CLDN14: variants seen among roughly 807,000 people sequenced by gnomAD.
CLDN14 encodes the protein claudin-14.
CLDN14 carries 2 observed loss-of-function variants against 2.1 expected under a neutral mutation model. The observed-to-expected ratio is 0.96, with a 90% CI of 0.39 to 3.01. The LOEUF (loss-of-function observed/expected upper bound fraction) is 3.01. Among genes scored for constraint, CLDN14 ranks in the 30% most tolerant of loss-of-function variants. The probability of loss-of-function intolerance (pLI) is 0.09; values close to 1 mark genes in which losing one functional copy is unlikely to be tolerated. For synonymous variants in CLDN14, 136 were observed against 154.4 expected, an observed-to-expected ratio of 0.88 and a Z score of 0.88; for missense variants, 298 against 328.0, an observed-to-expected ratio of 0.91 and a Z score of 0.71.
At chr21:36,476,527 A>C (rs1406235553) in intron 1 of CLDN14, among the ~76,000 whole-genome samples, 2 of 150,936 alleles carry the variant, frequency 1.3e-5, no homozygotes, top group African/African-American at 4.9e-5. Context: ...ATCTCAGCTC[A>C]CTGCAACCTC....
At chr21:36,506,433 C>A (rs183570865) in intron 2 of CLDN14, among the ~76,000 whole-genome samples, 11 of 151,918 alleles carry the variant, frequency 7.2e-5, no homozygotes, top group Non-Finnish European at 1.5e-4. Context: ...CCCATCTGTA[C>A]TAAAAATACA....
chr21:36,518,040 A>G (rs1300620668), intron 1 of CLDN14, among the ~76,000 whole-genome samples: 2 of 150,886 alleles, frequency 1.3e-5, no homozygotes, highest in Non-Finnish European at 2.9e-5. Context: ...TTACATGTCA[A>G]TTCCGTAAAA....
At chr21:36,495,598 T>C (rs1039536196) in intron 2 of CLDN14, among the ~76,000 whole-genome samples, 1 of 152,230 alleles carries the variant, frequency 6.6e-6, no homozygotes, top group African/African-American at 2.4e-5. Flanking sequence ...GATGCTGATG[T>C]TTACAATGAG....
chr21:36,487,045 C>T (rs958579347), intron 2 of CLDN14: 28 of 252,754 alleles, frequency 1.1e-4, no homozygotes, highest in South Asian at 9.3e-4. Flanking sequence ...TGTGCAATGG[C>T]GCAATCTCAG....
chr21:36,489,129 A>AT (rs56120701), intron 2 of CLDN14, among the ~76,000 whole-genome samples: 159 of 78,966 alleles, frequency 2.0e-3, no homozygotes, highest in African/African-American at 5.4e-3. Flanking sequence ...AAAAAAAAAA[A>AT]AAATATATAT....
chr21:36,481,146 C>T (rs1467131077), upstream of CLDN14: 2 of 152,184 alleles, frequency 1.3e-5, no homozygotes, highest in Non-Finnish European at 2.9e-5. Flanking sequence ...TTAGAGGTTT[C>T]CCACCAGATA....
intron 1 of CLDN14, among the ~76,000 whole-genome samples, chr21:36,514,180 G>A (rs1351153816): frequency 6.6e-6 from 1 of 152,144 alleles, no homozygotes; most frequent in African/African-American, 2.4e-5. Flanking sequence ...AGAATCAGAA[G>A]GTGTAGCTGG....
intron 1 of CLDN14, among the ~76,000 whole-genome samples, chr21:36,566,086 GA>G (rs1892832712): frequency 6.6e-6 from 1 of 152,098 alleles, no homozygotes; most frequent in Admixed American, 6.5e-5. Context: ...CTATCATACA[GA>G]AGGAAGTTAG....
At chr21:36,517,461 C>G (rs2087237402) in intron 1 of CLDN14, among the ~76,000 whole-genome samples, 1 of 152,218 alleles carries the variant, frequency 6.6e-6, no homozygotes, top group Admixed American at 6.5e-5. Flanking sequence ...CTTCTTGATG[C>G]TGCCAATCTT....
At chr21:36,536,378 A>T (rs1332774597) in intron 1 of CLDN14, among the ~76,000 whole-genome samples, 3 of 152,224 alleles carry the variant, frequency 2.0e-5, no homozygotes, top group African/African-American at 7.2e-5. Context: ...CTCATTTTAA[A>T]AATGACTTTA....
At chr21:36,522,694 G>T (rs1030552897) in intron 1 of CLDN14, among the ~76,000 whole-genome samples, 4 of 152,200 alleles carry the variant, frequency 2.6e-5, no homozygotes, top group African/African-American at 9.7e-5. Context: ...AAACAATTTC[G>T]AATTCAAGGG....
chr21:36,485,303 G>C (rs1033009834), intron 2 of CLDN14, among the ~76,000 whole-genome samples: 4 of 143,864 alleles, frequency 2.8e-5, no homozygotes, highest in African/African-American at 4.9e-5. Context: ...TTGCCTCCCA[G>C]GTTCAAGCGA....
chr21:36,478,661 G>T (rs1448046779), intron 1 of CLDN14, among the ~76,000 whole-genome samples: 1 of 152,166 alleles, frequency 6.6e-6, no homozygotes, highest in African/African-American at 2.4e-5. Flanking sequence ...ACTGTCCTCT[G>T]GTTTCCCAAG....
chr21:36,515,380 A>G (rs1601619586), intron 1 of CLDN14, among the ~76,000 whole-genome samples: 1 of 152,186 alleles, frequency 6.6e-6, no homozygotes, highest in Non-Finnish European at 1.5e-5. Context: ...GCCTTAAAAA[A>G]GTAATGAAGT....
chr21:36,548,449 C>A (rs1489494449), intron 1 of CLDN14, among the ~76,000 whole-genome samples: 18 of 152,204 alleles, frequency 1.2e-4, no homozygotes, highest in Non-Finnish European at 4.4e-5. Flanking sequence ...AACAGCCCCG[C>A]CCCAGAGGCA....
chr21:36,539,833 AG>A (rs1325196095), intron 1 of CLDN14, among the ~76,000 whole-genome samples: 1 of 140,386 alleles, frequency 7.1e-6, no homozygotes, highest in Non-Finnish European at 1.6e-5. Flanking sequence ...ATGTCTGCAG[AG>A]TGAGTGTGTG....
At chr21:36,463,721 A>G (rs979236950) in intron 1 of CLDN14, among the ~76,000 whole-genome samples, 1 of 152,206 alleles carries the variant, frequency 6.6e-6, no homozygotes, top group Non-Finnish European at 1.5e-5. Flanking sequence ...TGAAAAATAA[A>G]TAAAATAAAA....
intron 1 of CLDN14, among the ~76,000 whole-genome samples, chr21:36,548,840 G>T (rs399711): frequency 2.0e-5 from 3 of 151,984 alleles, no homozygotes; most frequent in South Asian, 2.1e-4. Context: ...CATGAGAAAG[G>T]GGAAATGTCT....
At chr21:36,497,547 C>T (rs2087049007) in intron 2 of CLDN14, among the ~76,000 whole-genome samples, 1 of 151,908 alleles carries the variant, frequency 6.6e-6, no homozygotes, top group African/African-American at 2.4e-5. Context: ...TCTTATCTTT[C>T]AGCAAACTCC....
Sources: gnomAD v4.1 joint callset for allele counts (sites outside exome capture counted in the v4.1 genomes callset) on GRCh38, gnomAD v4.1.1 for gene constraint, MANE v1.5 for transcripts, NCBI Gene and HGNC (gene_info 2026-07-23, HGNC 2026-07-21) for gene names.